The following ITGB5 variants were observed in gnomAD, a reference collection of about 807,000 sequenced individuals.
ITGB5 encodes integrin beta-5.
A neutral mutation model predicts 84.8 loss-of-function variants in ITGB5; 38 were observed. That is an observed-to-expected ratio of 0.45 (90% CI 0.35 to 0.59). The LOEUF (loss-of-function observed/expected upper bound fraction) is 0.59. ITGB5 is among the 20% of genes least tolerant of loss of function. The pLI, the probability that ITGB5 is intolerant of heterozygous loss-of-function variation, is 0.01. For synonymous variants in ITGB5, 393 were observed against 414.4 expected (o/e 0.95, Z 0.63); for missense variants, 905 against 1,034.5 (o/e 0.87, Z 1.72).
At chr3:124,856,865 G>A (rs1441633771) in intron 3 of ITGB5, among the ~76,000 whole-genome samples, 3 of 152,154 alleles carry the variant, frequency 2.0e-5, no homozygotes, top group Non-Finnish European at 4.4e-5. Context: ...GCCCACATAA[G>A]TGCTCAGCTG....
chr3:124,847,258 G>T (rs1334539103), intron 4 of ITGB5, among the ~76,000 whole-genome samples: 1 of 152,190 alleles, frequency 6.6e-6, no homozygotes, highest in Non-Finnish European at 1.5e-5. Flanking sequence ...GAAAGCAAGA[G>T]TTGGAAGTTA....
At chr3:124,848,201 C>T (rs1415997365) in intron 4 of ITGB5, 108 bp downstream of exon 4, 6 of 1,310,560 alleles carry the variant, frequency 4.6e-6, no homozygotes, top group Non-Finnish European at 5.3e-6. Context: ...CTAAGCCTGG[C>T]CACCCCTCCT....
intron 9 of ITGB5, 123 bp downstream of exon 9, chr3:124,808,899 G>A: frequency 9.1e-7 from 1 of 1,099,310 alleles, no homozygotes; most frequent in South Asian, 1.6e-5. Context: ...CCTCTGGGAT[G>A]CTGAATTGGA....
chr3:124,884,629 G>A (rs1934721748), intron 1 of ITGB5, among the ~76,000 whole-genome samples: 1 of 152,104 alleles, frequency 6.6e-6, no homozygotes, highest in Admixed American at 6.5e-5. Flanking sequence ...GGCAGAGGTT[G>A]TGGTGAGCTG....
At position 124,773,967 on chromosome 3, in the gene ITGB5, T is replaced by TA. The variant is rs371366584; in HGVS notation, c.1694-56dup. ...CTGCTCACCTTTACACATGAGCACA[T>TA]AACCATCTGGTGCCCCACATGCCAG... On this transcript the variant is annotated intron_variant, in intron 10 of 14. Coordinates refer to ENST00000296181, the MANE Select transcript of ITGB5 (RefSeq NM_002213.5). The TA allele has an allele frequency of 2.6e-5, 39 of 1,501,216 alleles. No individual in the cohort carries two copies. In the African/African-American group the frequency reaches 3.6e-4, roughly 14 times the overall value. 93.0% of individuals were successfully genotyped at this position (1,501,216 alleles called of 1,614,324 possible).
chr3:124,786,142 A>C (rs538227339), intron 10 of ITGB5, among the ~76,000 whole-genome samples: 8 of 152,318 alleles, frequency 5.3e-5, no homozygotes, highest in African/African-American at 1.9e-4. Context: ...GATGCAAAAA[A>C]ATCCTCCCAG....
At chr3:124,857,491 G>C (rs922907278) in intron 3 of ITGB5, among the ~76,000 whole-genome samples, 1 of 152,154 alleles carries the variant, frequency 6.6e-6, no homozygotes, top group African/African-American at 2.4e-5. Context: ...ACCCAAGAGA[G>C]CCAGCCAGAT....
chr3:124,803,486 C>T (rs1292173162), intron 9 of ITGB5, among the ~76,000 whole-genome samples: 4 of 152,208 alleles, frequency 2.6e-5, no homozygotes, highest in Admixed American at 2.6e-4. Flanking sequence ...GGACACGGCA[C>T]ATTGGATGTC....
chr3:124,867,853 G>A (rs1039568433), intron 2 of ITGB5, among the ~76,000 whole-genome samples: 4 of 152,152 alleles, frequency 2.6e-5, no homozygotes, highest in African/African-American at 7.2e-5. Context: ...TAAACTGCTG[G>A]GATTTGTTGT....
rs1013950668 is a variant in ITGB5 at position 124,804,857 on chromosome 3, G to T, written c.1263+4165C>A. ...AATTTTTGTATTTTTAGTAGAGACA[G>T]GGTTTCACCATGTTGGCCAGGTTGG... is the stretch of plus-strand genomic sequence containing the variant. On this transcript the variant is annotated intron_variant, in intron 9 of 14. Coordinates refer to ENST00000296181, the MANE Select transcript of ITGB5 (RefSeq NM_002213.5). 2.0e-5 allele frequency among the ~76,000 whole-genome samples: 3 copies of T among 152,166 alleles called. No individual in the cohort carries two copies. In the South Asian group the frequency reaches 6.2e-4, roughly 32 times the overall value.
At chr3:124,772,479 G>T (rs1164276845) in intron 11 of ITGB5, among the ~76,000 whole-genome samples, 2 of 152,182 alleles carry the variant, frequency 1.3e-5, no homozygotes, top group Non-Finnish European at 2.9e-5. Context: ...CCAGACATTT[G>T]GAAGGGAAAT....
intron 10 of ITGB5, among the ~76,000 whole-genome samples, chr3:124,794,856 G>A (rs2064199181): frequency 1.3e-5 from 2 of 151,262 alleles, no homozygotes; most frequent in African/African-American, 2.4e-5. Context: ...AGGAGAAGGA[G>A]AAGAAGAAGA....
At chr3:124,885,714 T>C (rs1387240549) in intron 1 of ITGB5, among the ~76,000 whole-genome samples, 4 of 152,228 alleles carry the variant, frequency 2.6e-5, no homozygotes, top group African/African-American at 4.8e-5. Context: ...GATGGGTGTT[T>C]GGAATCCACT....
intron 5 of ITGB5, among the ~76,000 whole-genome samples, chr3:124,828,732 G>C (rs747570388): frequency 1.3e-5 from 2 of 152,206 alleles, no homozygotes; most frequent in Admixed American, 6.5e-5. Context: ...CCATCGCAGT[G>C]CTGGCCTCCC....
At chr3:124,771,277 A>C (rs537203952) in intron 11 of ITGB5, among the ~76,000 whole-genome samples, 1 of 151,940 alleles carries the variant, frequency 6.6e-6, no homozygotes, top group Admixed American at 6.6e-5. Flanking sequence ...CTGCCCTGAA[A>C]CCCCCAGAAA....
intron 12 of ITGB5, among the ~76,000 whole-genome samples, chr3:124,768,156 AAGAC>A (rs1244769416): frequency 1.3e-5 from 2 of 152,220 alleles, no homozygotes; most frequent in African/African-American, 2.4e-5. Context: ...CGTTAGGACC[AAGAC>A]AGACAGGCAG....
chr3:124,829,873 G>C (rs1188983027), intron 5 of ITGB5, among the ~76,000 whole-genome samples: 1 of 152,110 alleles, frequency 6.6e-6, no homozygotes, highest in Non-Finnish European at 1.5e-5. Context: ...TCTCTTTTAA[G>C]ACCAGCAGAC....
intron 8 of ITGB5, among the ~76,000 whole-genome samples, chr3:124,811,733 A>T (rs188438830): frequency 1.3e-5 from 2 of 152,324 alleles, no homozygotes; most frequent in African/African-American, 4.8e-5. Flanking sequence ...CTACCCACAG[A>T]GTCTCTGGAA....
At position 124,773,678 on chromosome 3, in the gene ITGB5, T is replaced by C. The variant is rs375315329; in HGVS notation, c.1916+12A>G. 6.2e-7 allele frequency: 1 copy of C among 1,610,276 alleles called. No homozygotes were observed. The highest frequency in any genetic ancestry group is 1.3e-5 in the African/African-American group (1 of 74,800). ...GTGAGAAGTAAGGTGGGGCTGTCAG[T>C]GGAACCAGTACCTCTTGGTGCTGCA... On this transcript the variant is annotated intron_variant, in intron 11 of 14. Coordinates refer to ENST00000296181, the MANE Select transcript of ITGB5 (RefSeq NM_002213.5).
Sources: gnomAD v4.1 joint callset for allele counts (sites outside exome capture counted in the v4.1 genomes callset) on GRCh38, gnomAD v4.1.1 for gene constraint, MANE v1.5 for transcripts, NCBI Gene and HGNC (gene_info 2026-07-23, HGNC 2026-07-21) for gene names.